Variants in GOLGA7 observed in about 807,000 individuals in gnomAD.
The protein encoded by GOLGA7 is golgin A7.
In GOLGA7, 10 loss-of-function variants were observed where a neutral mutation model predicts 21.1. That is an observed-to-expected ratio of 0.47 (90% CI 0.29 to 0.80). The LOEUF (loss-of-function observed/expected upper bound fraction) is 0.80. Ranked by LOEUF, GOLGA7 falls within the 30% of genes least tolerant of loss-of-function variation. The pLI is 0.08. For synonymous variants in GOLGA7, 64 were observed against 62.6 expected (o/e 1.02, Z -0.10); for missense variants, 114 against 166.8 (o/e 0.68, Z 1.74).
intron 2 of GOLGA7, among the ~76,000 whole-genome samples, chr8:41,503,895 T>C (rs924901483): frequency 3.3e-5 from 5 of 151,236 alleles, no homozygotes; most frequent in East Asian, 1.9e-4. Context: ...TGGCATATTC[T>C]CACTCATAGG....
chr8:41,491,371 C>T (rs957039085), intron 1 of GOLGA7, among the ~76,000 whole-genome samples: 6 of 152,156 alleles, frequency 3.9e-5, no homozygotes, highest in Non-Finnish European at 8.8e-5. Context: ...GATAAATCAT[C>T]ATCATTCTCG....
Position 41,505,752 on chromosome 8 carries a change from A to G in GOLGA7, c.265-159A>G, listed in dbSNP as rs759933627. The G allele has an allele frequency of 2.4e-5, 12 of 507,770 alleles. No homozygotes were observed. The Admixed American group carries it at 3.5e-4, about 15-fold the overall frequency. The allele number at this position is 507,770 out of a possible 1,614,324, so 31.5% of individuals were successfully genotyped here. On this transcript the variant is annotated intron_variant, in intron 2 of 4. Coordinates refer to ENST00000357743, the MANE Select transcript of GOLGA7 (RefSeq NM_001002296.2). ...CACACTTGGCTGTATGTCATATGCA[A>G]CTCATGTGAGCCAAGTAATCACAGC...
At chr8:41,498,402 A>T (rs920383405) in intron 2 of GOLGA7, among the ~76,000 whole-genome samples, 6 of 152,132 alleles carry the variant, frequency 3.9e-5, no homozygotes, top group African/African-American at 1.4e-4. Context: ...ATGTTTTACC[A>T]CTGAGTAAAA....
intron 2 of GOLGA7, among the ~76,000 whole-genome samples, chr8:41,502,379 T>A (rs1419690945): frequency 9.2e-5 from 14 of 152,232 alleles, no homozygotes. Flanking sequence ...TGCTTATACT[T>A]TGTCATGTGT....
intron 2 of GOLGA7, 122 bp from the exon 3 acceptor site, chr8:41,505,789 A>G (rs987814298): frequency 6.9e-6 from 4 of 577,504 alleles, no homozygotes; most frequent in East Asian, 3.0e-5. Context: ...GTATTCCACC[A>G]TATGAATATC....
chr8:41,503,262 TG>T (rs1310615381), intron 2 of GOLGA7, among the ~76,000 whole-genome samples: 5 of 150,714 alleles, frequency 3.3e-5, no homozygotes, highest in Admixed American at 6.6e-5. Flanking sequence ...TGGGGTTGTT[TG>T]TTTTTTTCTT....
chr8:41,490,905 C>A lies in GOLGA7; in HGVS notation c.51C>A (p.Asp17Glu), dbSNP rs1445118415. The A allele has an allele frequency of 6.2e-7, 1 of 1,604,184 alleles. No individual in the cohort carries two copies. The highest frequency in any genetic ancestry group is 1.1e-5 in the South Asian group (1 of 89,312). The change falls in exon 1 of 5, where the codon GAC (aspartate) becomes GAA (glutamate). Residue 17 changes from aspartate to glutamate, a missense_variant. By Grantham distance (45) the Asp-to-Glu change is conservative. Transcript: ENST00000357743. ...PVSGKVFIQRDYSSGTRCQFQ... is the reference protein window; with the variant it reads ...PVSGKVFIQREYSSGTRCQFQ... ...CCGGAAAGGTGTTCATTCAGCGAGACTACAGCAGTGGCACACGCTGCCAGT... is the reference window on the plus strand; with the variant it reads ...CCGGAAAGGTGTTCATTCAGCGAGAATACAGCAGTGGCACACGCTGCCAGT...
At chr8:41,492,691 A>G (rs1036740443) in intron 1 of GOLGA7, among the ~76,000 whole-genome samples, 43 of 152,330 alleles carry the variant, frequency 2.8e-4, no homozygotes, top group African/African-American at 9.9e-4. Context: ...AAAGATATAC[A>G]TGGAATCAAT....
At chr8:41,503,710 A>T (rs1228369954) in intron 2 of GOLGA7, among the ~76,000 whole-genome samples, 1 of 104,868 alleles carries the variant, frequency 9.5e-6, no homozygotes, top group Non-Finnish European at 1.9e-5. Context: ...TTTGTCAAAG[A>T]TCAGATAGTT....
At chr8:41,499,301 T>A (rs991384968) in intron 2 of GOLGA7, among the ~76,000 whole-genome samples, 5 of 152,138 alleles carry the variant, frequency 3.3e-5, no homozygotes, top group African/African-American at 1.2e-4. Flanking sequence ...TGTTACAGGG[T>A]GCTCTTTTAG....
chr8:41,491,510 C>T (rs1482297213), intron 1 of GOLGA7, among the ~76,000 whole-genome samples: 1 of 152,080 alleles, frequency 6.6e-6, no homozygotes, highest in African/African-American at 2.4e-5. Context: ...TAGGCCTGGA[C>T]AGGAAAATGT....
chr8:41,501,895 A>G (rs1806158892), intron 2 of GOLGA7, among the ~76,000 whole-genome samples: 1 of 152,226 alleles, frequency 6.6e-6, no homozygotes, highest in Non-Finnish European at 1.5e-5. Flanking sequence ...CCAGAAATAC[A>G]ATGGAAATTG....
intron 1 of GOLGA7, 41 bp downstream of exon 1, chr8:41,491,006 A>G: frequency 8.7e-7 from 1 of 1,150,610 alleles, no homozygotes; most frequent in South Asian, 1.3e-5. Context: ...GGCGAGGGAG[A>G]GAGACTCACC....
intron 1 of GOLGA7, among the ~76,000 whole-genome samples, chr8:41,491,174 G>A (rs1318310829): frequency 1.3e-5 from 2 of 152,316 alleles, no homozygotes; most frequent in Non-Finnish European, 1.5e-5. Context: ...CCGATCGCCG[G>A]GGTTGACGAC....
rs149959872 is a variant in GOLGA7, at chr8:41,498,709, A to T, written c.264+1048A>T. Among the ~76,000 whole-genome samples, 555 of 152,334 alleles carry T rather than the reference A, an allele frequency of 3.6e-3. 2 individuals carry two copies. The highest frequency in any genetic ancestry group is 4.3e-3 in the Non-Finnish European group (295 of 68,026). ...CTTGCCTCACTCTTCTTTGGAATGT[A>T]GCAGTTTATTTTCTTGTCTTATTTG... On this transcript the variant is annotated intron_variant, in intron 2 of 4. Coordinates refer to ENST00000357743, the MANE Select transcript of GOLGA7 (RefSeq NM_001002296.2).
At chr8:41,491,112 G>GA in intron 1 of GOLGA7, 147 bp downstream of exon 1, 1 of 623,656 alleles carries the variant, frequency 1.6e-6, no homozygotes, top group Admixed American at 2.8e-5. Flanking sequence ...AAACGTGTAA[G>GA]AAGAGAGCCA....
chr8:41,496,059 G>T (rs954660489), intron 1 of GOLGA7, among the ~76,000 whole-genome samples: 1 of 151,844 alleles, frequency 6.6e-6, no homozygotes. Flanking sequence ...CTTGGGAATG[G>T]GATCCAAGTC....
intron 2 of GOLGA7, among the ~76,000 whole-genome samples, chr8:41,498,234 A>ATCC: frequency 1.3e-5 from 2 of 152,208 alleles, no homozygotes; most frequent in African/African-American, 4.8e-5. Flanking sequence ...ATCCTGGGTT[A>ATCC]TGCCCTTATT....
chr8:41,506,212 A>C (rs1415933971), intron 3 of GOLGA7, among the ~76,000 whole-genome samples, 200 bp downstream of exon 3: 1 of 151,316 alleles, frequency 6.6e-6, no homozygotes, highest in East Asian at 1.9e-4. Context: ...TGCATGGTGC[A>C]GGTCTCTGTG....
Sources: allele counts gnomAD v4.1 joint callset (sites outside exome capture counted in the v4.1 genomes callset), GRCh38; gene constraint gnomAD v4.1.1; transcripts MANE v1.5; gene names NCBI Gene and HGNC (gene_info 2026-07-23, HGNC 2026-07-21).